Variants in RGS7 observed in about 807,000 individuals in gnomAD.
RGS7 encodes the protein regulator of G protein signaling 7.
A neutral mutation model predicts 81.1 loss-of-function variants in RGS7; 27 were observed. The ratio of observed to expected loss-of-function variants is 0.33; its 90% CI spans 0.25 to 0.46. The LOEUF (loss-of-function observed/expected upper bound fraction) is 0.46. RGS7 is among the 20% of genes least tolerant of loss of function. The pLI, the probability that RGS7 is intolerant of heterozygous loss-of-function variation, is 1.00. For missense variants in RGS7, 396 were observed against 607.4 expected, an observed-to-expected ratio of 0.65 and a Z score of 3.66; for synonymous variants, 208 against 207.7, an observed-to-expected ratio of 1.00 and a Z score of -0.01.
At chr1:241,327,729 A>G (rs951424084) in intron 2 of RGS7, among the ~76,000 whole-genome samples, 4 of 152,210 alleles carry the variant, frequency 2.6e-5, no homozygotes, top group African/African-American at 7.2e-5. Context: ...GAATAAACGT[A>G]TGTAGGTATG....
chr1:241,023,547 T>C (rs374543241), intron 3 of RGS7, among the ~76,000 whole-genome samples: 3 of 152,240 alleles, frequency 2.0e-5, no homozygotes, highest in Non-Finnish European at 1.5e-5. Flanking sequence ...ATCACGCCAA[T>C]TGGCAAACAT....
intron 2 of RGS7, among the ~76,000 whole-genome samples, chr1:241,295,222 G>A (rs1467871242): frequency 6.6e-6 from 1 of 152,142 alleles, no homozygotes; most frequent in Admixed American, 6.5e-5. Context: ...GCCAAGGCGG[G>A]CGGATCACAA....
At chr1:241,352,154 G>A (rs1055338844) in intron 2 of RGS7, among the ~76,000 whole-genome samples, 4 of 152,148 alleles carry the variant, frequency 2.6e-5, no homozygotes, top group African/African-American at 9.7e-5. Context: ...GACCAAAAAC[G>A]GGGGTAGTGT....
At chr1:241,175,442 T>A (rs10926426) in intron 2 of RGS7, among the ~76,000 whole-genome samples, 74,682 of 151,586 alleles carry the variant, frequency 0.49, 18,640 homozygotes, top group East Asian at 0.63. Flanking sequence ...CCATGAATGG[T>A]CTCCCAGGAC....
chr1:241,040,293 T>A (rs1270027746), intron 3 of RGS7, among the ~76,000 whole-genome samples: 4 of 152,208 alleles, frequency 2.6e-5, no homozygotes, highest in African/African-American at 4.8e-5. Flanking sequence ...AGACCAAGGT[T>A]CTTTTCCAAA....
chr1:241,183,843 G>A lies in RGS7; in HGVS notation c.79-85081C>T, dbSNP rs563465505. On this transcript the variant is annotated intron_variant, in intron 2 of 18. Transcript: ENST00000440928. ...GGGGTATTCCCTCTACTTCTGTACC[G>A]CCTTGGCACACGAAGGACATCAGAG... Among the ~76,000 whole-genome samples, 10 of 152,260 alleles carry A rather than the reference G, an allele frequency of 6.6e-5. No homozygotes were observed. In the East Asian group the frequency reaches 1.4e-3, roughly 21 times the overall value.
chr1:241,338,711 A>G lies in RGS7; in HGVS notation c.78+16988T>C, dbSNP rs577804785. 2.0e-5 allele frequency among the ~76,000 whole-genome samples: 3 copies of G among 149,680 alleles called. No individual in the cohort carries two copies. The East Asian group carries it at 5.8e-4, about 29-fold the overall frequency. ...GTTGTTATAAGAGATAATATATAGTATATTATATACAAATATATGTTTATA... is the reference window on the plus strand; with the variant it reads ...GTTGTTATAAGAGATAATATATAGTGTATTATATACAAATATATGTTTATA... On this transcript the variant is annotated intron_variant, in intron 2 of 18. Coordinates refer to ENST00000440928, the MANE Select transcript of RGS7 (RefSeq NM_001364886.1).
intron 14 of RGS7, among the ~76,000 whole-genome samples, chr1:240,810,758 A>G (rs189497794): frequency 6.6e-5 from 10 of 152,256 alleles, no homozygotes; most frequent in Admixed American, 2.0e-4. Flanking sequence ...CTTTTAATGA[A>G]TTCTTGCACT....
chr1:241,008,465 T>C (rs753413950), intron 3 of RGS7, among the ~76,000 whole-genome samples: 1 of 152,202 alleles, frequency 6.6e-6, no homozygotes, highest in Non-Finnish European at 1.5e-5. Flanking sequence ...CCGGGTAATG[T>C]TGCTGCTGCT....
chr1:241,160,929 A>C (rs1484832758), intron 2 of RGS7, among the ~76,000 whole-genome samples: 1 of 152,122 alleles, frequency 6.6e-6, no homozygotes. Context: ...TGAAATCAGA[A>C]GGAGTATGGT....
At chr1:240,834,221 A>G (rs1186446600) in intron 9 of RGS7, among the ~76,000 whole-genome samples, 1 of 152,182 alleles carries the variant, frequency 6.6e-6, no homozygotes, top group Non-Finnish European at 1.5e-5. Flanking sequence ...CACAAACTGA[A>G]GAAAGTTGTT....
In RGS7 at chr1:241,233,070, C is replaced by A. The variant is rs531637075; in HGVS notation, c.78+122629G>T. Among the ~76,000 whole-genome samples the A allele has an allele frequency of 7.2e-5, 11 of 152,272 alleles. No homozygotes were observed. In the South Asian group the frequency reaches 2.1e-3, roughly 29 times the overall value. ...GTCCCCACCTGCTACTCCAGCATCA[C>A]TCCCCAGCACCCGTAAGTCAGAATG... On this transcript the variant is annotated intron_variant, in intron 2 of 18. Coordinates refer to ENST00000440928, the MANE Select transcript of RGS7 (RefSeq NM_001364886.1).
rs1161595250 is a variant in RGS7, at chr1:241,169,345, T to C, written c.79-70583A>G. 5.5e-3 allele frequency among the ~76,000 whole-genome samples: 715 copies of C among 130,620 alleles called. 5 individuals carry two copies. The highest frequency in any genetic ancestry group is 0.019 in the African/African-American group (645 of 34,670). 85.7% of individuals were successfully genotyped at this position (130,620 alleles called of 152,430 possible). ...CTATGTATGTGTGTTTCTTTTTTTT[T>C]TTTTTTTTTTTTTTTTGAGACAGAG... On this transcript the variant is annotated intron_variant, in intron 2 of 18. Transcript: ENST00000440928.
At chr1:241,000,814 A>AT (rs10691671) in intron 3 of RGS7, among the ~76,000 whole-genome samples, 40,480 of 129,136 alleles carry the variant, frequency 0.31, 6,509 homozygotes, top group Admixed American at 0.35. Flanking sequence ...CACCCAGCTA[A>AT]TTTTTTTTTT....
intron 6 of RGS7, among the ~76,000 whole-genome samples, chr1:240,910,072 CT>C (rs1180195114): frequency 6.6e-6 from 1 of 152,144 alleles, no homozygotes; most frequent in East Asian, 1.9e-4. Context: ...TTGTTTTGTG[CT>C]TGCTTTCGTG....
intron 10 of RGS7, among the ~76,000 whole-genome samples, chr1:240,826,221 T>C (rs939968266): frequency 6.6e-6 from 1 of 152,198 alleles, no homozygotes; most frequent in African/African-American, 2.4e-5. Flanking sequence ...GTGCTTTGCT[T>C]CAGCTTCTTT....
chr1:241,291,570 C>CTTTTTTTTTTTTTTTTTTTTT (rs397947911), intron 2 of RGS7, among the ~76,000 whole-genome samples: 36 of 94,152 alleles, frequency 3.8e-4, no homozygotes, highest in African/African-American at 4.5e-4. Flanking sequence ...GAATTCCCAG[C>CTTTTTTTTTTTTTTTTTTTTT]TTTTTTTTTT....
chr1:241,003,696 C>G (rs148215800), intron 3 of RGS7, among the ~76,000 whole-genome samples: 1 of 152,100 alleles, frequency 6.6e-6, no homozygotes, highest in Non-Finnish European at 1.5e-5. Context: ...AGGGGCTCTC[C>G]CACTCCTGTA....
At chr1:240,992,361 A>G (rs1219651281) in intron 3 of RGS7, among the ~76,000 whole-genome samples, 1 of 152,008 alleles carries the variant, frequency 6.6e-6, no homozygotes, top group African/African-American at 2.4e-5. Flanking sequence ...AAAATTAGCC[A>G]GGCGTGGTGG....
Sources: gnomAD v4.1 joint callset for allele counts (sites outside exome capture counted in the v4.1 genomes callset) on GRCh38, gnomAD v4.1.1 for gene constraint, MANE v1.5 for transcripts, NCBI Gene and HGNC (gene_info 2026-07-23, HGNC 2026-07-21) for gene names.